The following BTBD8 variants were observed in gnomAD, a reference collection of about 807,000 sequenced individuals.
The protein encoded by BTBD8 is BTB/POZ domain-containing protein 8.
BTBD8 carries 110 observed loss-of-function variants against 162.9 expected under a neutral mutation model. The observed-to-expected ratio is 0.68, with a 90% CI of 0.58 to 0.79. The LOEUF (loss-of-function observed/expected upper bound fraction) is 0.79, where lower values mean the gene tolerates loss of function less well. Among genes scored for constraint, BTBD8 ranks in the 30% least tolerant of loss-of-function variants. The pLI, the probability that BTBD8 is intolerant of heterozygous loss-of-function variation, is 0.00. For synonymous variants in BTBD8, 667 were observed against 716.1 expected (o/e 0.93, Z 1.10); for missense variants, 1,905 against 2,085.4 (o/e 0.91, Z 1.68).
chr1:92,177,857 TA>T lies in BTBD8; in HGVS notation c.2407del (p.Ser803ValfsTer9). 6.5e-6 allele frequency: 10 copies of T among 1,542,834 alleles called. No homozygotes were observed. Among genetic ancestry groups the T allele is most frequent in the East Asian group, 2.5e-5 (1 of 40,720 alleles). On this transcript the variant is annotated frameshift_variant, in exon 15 of 18. Coordinates refer to ENST00000636805, the MANE Select transcript of BTBD8 (RefSeq NM_001376131.1). LOFTEE classifies it high-confidence loss of function. ...CAAGAGTTACCAATGGAACTTCCAA[TA>T]AAAAAAGTATTCATGAACAAGACAC... ...VSRVTNGTSNKKSIHEQDTNV... is the reference protein window; with the variant it reads ...VSRVTNGTSNXKSIHEQDTNV...
chr1:92,152,561 C>T (rs1650069532), intron 9 of BTBD8, among the ~76,000 whole-genome samples: 1 of 152,052 alleles, frequency 6.6e-6, no homozygotes, highest in African/African-American at 2.4e-5. Flanking sequence ...TAGGCAGTGT[C>T]AGTATTCTGC....
In BTBD8 at chr1:92,183,914, C is replaced by T. The variant is rs375146231; in HGVS notation, c.4963C>T (p.Arg1655Trp). ...GGCACAAACCCGCATGTATGACCAT[C>T]GGCCTTCAAAAACCCTGTCTCCAAT... Reference protein sequence around the residue: ...TLAQTRMYDHRPSKTLSPIYE... With the variant: ...TLAQTRMYDHWPSKTLSPIYE... Residue 1655 changes from arginine to tryptophan, a missense_variant, in exon 18 of 18, where the codon CGG becomes TGG. Coordinates refer to ENST00000636805, the MANE Select transcript of BTBD8 (RefSeq NM_001376131.1). The T allele has an allele frequency of 1.6e-4, 245 of 1,551,112 alleles. No homozygotes were observed. Among genetic ancestry groups the T allele is most frequent in the Non-Finnish European group, 1.9e-4 (222 of 1,146,866 alleles).
At chr1:92,171,174 A>T (rs1383123221) in intron 12 of BTBD8, among the ~76,000 whole-genome samples, 1 of 152,040 alleles carries the variant, frequency 6.6e-6, no homozygotes, top group African/African-American at 2.4e-5. Context: ...TATTAATTTT[A>T]ATAACATAAA....
At chr1:92,178,872 T>TA (rs1650801010) in intron 16 of BTBD8, among the ~76,000 whole-genome samples, 1 of 152,220 alleles carries the variant, frequency 6.6e-6, no homozygotes, top group Non-Finnish European at 1.5e-5. Context: ...TTTTAAATAT[T>TA]ATGCCCATGT....
intron 4 of BTBD8, among the ~76,000 whole-genome samples, chr1:92,118,902 C>CTG (rs146570106): frequency 0.63 from 90,363 of 144,036 alleles, 28,441 homozygotes; most frequent in East Asian, 0.91. Context: ...GTGTGTGTGT[C>CTG]TGTGTGTGTG....
chr1:92,177,964 TGCTA>T, intron 15 of BTBD8, 66 bp downstream of exon 15: 2 of 698,382 alleles, frequency 2.9e-6, no homozygotes, highest in South Asian at 4.3e-5. Flanking sequence ...ATATACTAAC[TGCTA>T]GCTAAATATT....
At chr1:92,132,785 T>C (rs956621995) in intron 5 of BTBD8, among the ~76,000 whole-genome samples, 1 of 152,216 alleles carries the variant, frequency 6.6e-6, no homozygotes, top group African/African-American at 2.4e-5. Context: ...TCACCTCTAA[T>C]TGGCTTATTG....
At chr1:92,140,565 A>G (rs997035427) in intron 6 of BTBD8, among the ~76,000 whole-genome samples, 1 of 152,214 alleles carries the variant, frequency 6.6e-6, no homozygotes, top group Non-Finnish European at 1.5e-5. Context: ...CTGGCAACCT[A>G]TACAAAATTT....
chr1:92,129,872 A>G, intron 5 of BTBD8, 96 bp downstream of exon 5: 3 of 1,049,110 alleles, frequency 2.9e-6, no homozygotes, highest in Non-Finnish European at 4.4e-6. Context: ...CTGGATGTTC[A>G]AGGAAATATT....
At chr1:92,140,280 T>C (rs187148916) in intron 6 of BTBD8, among the ~76,000 whole-genome samples, 4 of 151,286 alleles carry the variant, frequency 2.6e-5, no homozygotes, top group Non-Finnish European at 5.9e-5. Context: ...CCAAAAAGAA[T>C]ATAGGGCATC....
intron 5 of BTBD8, among the ~76,000 whole-genome samples, chr1:92,138,672 C>G (rs1294196974): frequency 6.6e-6 from 1 of 152,190 alleles, no homozygotes; most frequent in Non-Finnish European, 1.5e-5. Flanking sequence ...GATTCACTCC[C>G]TTTAGTATAG....
intron 7 of BTBD8, among the ~76,000 whole-genome samples, chr1:92,144,543 C>T (rs1363430634): frequency 6.6e-6 from 1 of 150,852 alleles, no homozygotes; most frequent in African/African-American, 2.4e-5. Flanking sequence ...TGTGGAGGCT[C>T]ATGTCTGTAA....
At chr1:92,128,542 T>A (rs188534174) in intron 4 of BTBD8, among the ~76,000 whole-genome samples, 6 of 151,976 alleles carry the variant, frequency 3.9e-5, no homozygotes, top group African/African-American at 1.4e-4. Flanking sequence ...CCTCCCAAAG[T>A]GCTGGGATTA....
intron 4 of BTBD8, chr1:92,114,816 C>T: frequency 3.2e-6 from 1 of 313,102 alleles, no homozygotes; most frequent in Non-Finnish European, 6.1e-6. Flanking sequence ...TCTTTGGAGG[C>T]CATGTGGACC....
intron 1 of BTBD8, among the ~76,000 whole-genome samples, chr1:92,081,849 C>CA: frequency 6.6e-6 from 1 of 152,218 alleles, no homozygotes; most frequent in South Asian, 2.1e-4. Flanking sequence ...GCTGGGATTA[C>CA]AGGCGTGAGC....
chr1:92,120,563 C>G (rs1009814209), intron 4 of BTBD8, among the ~76,000 whole-genome samples: 5 of 152,036 alleles, frequency 3.3e-5, no homozygotes, highest in Non-Finnish European at 7.4e-5. Context: ...ATTGTATATG[C>G]TAGACTTTTA....
chr1:92,133,928 C>T (rs961115587), intron 5 of BTBD8, among the ~76,000 whole-genome samples: 2 of 151,808 alleles, frequency 1.3e-5, no homozygotes, highest in Non-Finnish European at 2.9e-5. Context: ...CGAGATCGTG[C>T]CACTGCACTC....
intron 4 of BTBD8, among the ~76,000 whole-genome samples, chr1:92,116,803 A>G (rs1435063695): frequency 6.6e-6 from 1 of 150,804 alleles, no homozygotes; most frequent in Non-Finnish European, 1.5e-5. Flanking sequence ...AGACTATTTG[A>G]CTATTTGTAA....
At chr1:92,081,674 A>C (rs1648017931) in intron 1 of BTBD8, among the ~76,000 whole-genome samples, 3 of 152,170 alleles carry the variant, frequency 2.0e-5, no homozygotes, top group Non-Finnish European at 4.4e-5. Flanking sequence ...CCCGGGTTCA[A>C]GCCATTCTCC....
Sources: gnomAD v4.1 joint callset for allele counts (sites outside exome capture counted in the v4.1 genomes callset) on GRCh38, gnomAD v4.1.1 for gene constraint, MANE v1.5 for transcripts, NCBI Gene and HGNC (gene_info 2026-07-23, HGNC 2026-07-21) for gene names.